The following CNTNAP2 variants were observed in gnomAD, a reference collection of about 807,000 sequenced individuals.
The protein encoded by CNTNAP2 is contactin-associated protein-like 2.
CNTNAP2 carries 98 observed loss-of-function variants against 155.2 expected under a neutral mutation model. That is an observed-to-expected ratio of 0.63 (90% CI 0.54 to 0.75). CNTNAP2 has a LOEUF of 0.75. Among genes scored for constraint, CNTNAP2 ranks in the 30% least tolerant of loss-of-function variants. The pLI, the probability that CNTNAP2 is intolerant of heterozygous loss-of-function variation, is 0.00. For missense variants in CNTNAP2, 1,727 were observed against 1,688.1 expected (o/e 1.02, Z -0.40); for synonymous variants, 651 against 631.2 (o/e 1.03, Z -0.47).
intron 3 of CNTNAP2, among the ~76,000 whole-genome samples, chr7:146,915,470 T>C (rs1796373850): frequency 6.6e-6 from 1 of 152,178 alleles, no homozygotes; most frequent in Non-Finnish European, 1.5e-5. Flanking sequence ...CATTTGTTTG[T>C]GTCATCTATG....
At chr7:147,943,131 A>G (rs1800756182) in intron 14 of CNTNAP2, among the ~76,000 whole-genome samples, 1 of 152,172 alleles carries the variant, frequency 6.6e-6, no homozygotes, top group Non-Finnish European at 1.5e-5. Context: ...TCTTATGGCA[A>G]CCAGAAGTAT....
chr7:148,208,541 G>T (rs1795492154), intron 18 of CNTNAP2, among the ~76,000 whole-genome samples: 1 of 152,178 alleles, frequency 6.6e-6, no homozygotes, highest in Admixed American at 6.5e-5. Context: ...GAAGCTGAAA[G>T]AGGGGAAAGG....
At chr7:148,052,630 C>T (rs1438645096) in intron 15 of CNTNAP2, among the ~76,000 whole-genome samples, 1 of 152,010 alleles carries the variant, frequency 6.6e-6, no homozygotes, top group Non-Finnish European at 1.5e-5. Flanking sequence ...ATTTTTTTTA[C>T]AGATTATTTG....
intron 2 of CNTNAP2, among the ~76,000 whole-genome samples, chr7:146,798,130 G>A (rs1169333466): frequency 6.6e-6 from 1 of 151,952 alleles, no homozygotes; most frequent in Non-Finnish European, 1.5e-5. Context: ...AAGTTAGCCA[G>A]GTATCCTAGC....
intron 20 of CNTNAP2, among the ~76,000 whole-genome samples, chr7:148,262,098 T>G (rs991201112): frequency 2.6e-5 from 4 of 152,126 alleles, no homozygotes; most frequent in Non-Finnish European, 4.4e-5. Context: ...ACGGGGTGGC[T>G]CTAAGAGTCA....
At chr7:146,395,773 G>T (rs1373901617) in intron 1 of CNTNAP2, among the ~76,000 whole-genome samples, 1 of 74,884 alleles carries the variant, frequency 1.3e-5, no homozygotes, top group Admixed American at 1.7e-4. Context: ...GATCTAGATA[G>T]ACAGATGATA....
chr7:146,377,861 T>G (rs905325869), intron 1 of CNTNAP2, among the ~76,000 whole-genome samples: 4 of 152,244 alleles, frequency 2.6e-5, no homozygotes, highest in African/African-American at 7.2e-5. Flanking sequence ...ATGAGTAATA[T>G]AACATGCAAA....
intron 13 of CNTNAP2, among the ~76,000 whole-genome samples, chr7:147,712,053 A>C (rs1796408081): frequency 1.3e-5 from 2 of 152,264 alleles, no homozygotes; most frequent in Non-Finnish European, 2.9e-5. Flanking sequence ...TACAAATGCT[A>C]TCCTTCAGGT....
intron 15 of CNTNAP2, among the ~76,000 whole-genome samples, chr7:148,104,001 T>G (rs1434759300): frequency 1.3e-5 from 2 of 152,236 alleles, no homozygotes; most frequent in African/African-American, 4.8e-5. Context: ...AAAATGCTTC[T>G]GTATGATGTT....
At chr7:146,827,641 T>A (rs544064517) in intron 2 of CNTNAP2, among the ~76,000 whole-genome samples, 3 of 151,906 alleles carry the variant, frequency 2.0e-5, no homozygotes, top group Non-Finnish European at 4.4e-5. Context: ...TTCTGCAGAC[T>A]TTTACTAAGA....
chr7:146,759,973 G>A (rs935454869), intron 1 of CNTNAP2, among the ~76,000 whole-genome samples: 6 of 152,110 alleles, frequency 3.9e-5, no homozygotes, highest in African/African-American at 1.4e-4. Context: ...AGGCCAGTAA[G>A]TATCTTAAAC....
At chr7:148,218,790 G>A (rs1795691138) in intron 19 of CNTNAP2, among the ~76,000 whole-genome samples, 1 of 152,148 alleles carries the variant, frequency 6.6e-6, no homozygotes, top group East Asian at 1.9e-4. Flanking sequence ...GCATCCTGAG[G>A]AGAATATGCA....
chr7:146,862,761 T>A (rs1211628327), intron 3 of CNTNAP2, among the ~76,000 whole-genome samples: 5 of 152,324 alleles, frequency 3.3e-5, no homozygotes, highest in African/African-American at 1.2e-4. Context: ...ACATATGCAC[T>A]CATATTTTTG....
intron 1 of CNTNAP2, among the ~76,000 whole-genome samples, chr7:146,687,664 T>C (rs1377619216): frequency 6.6e-6 from 1 of 152,190 alleles, no homozygotes; most frequent in Non-Finnish European, 1.5e-5. Flanking sequence ...ATCATTTCAT[T>C]TTCAGATATT....
At chr7:146,495,544 A>G (rs940150180) in intron 1 of CNTNAP2, among the ~76,000 whole-genome samples, 3 of 133,316 alleles carry the variant, frequency 2.3e-5, no homozygotes, top group Non-Finnish European at 4.8e-5. Context: ...TGCCACCTCT[A>G]ACAGGTCATT....
At chr7:146,381,442 G>A (rs1367015273) in intron 1 of CNTNAP2, among the ~76,000 whole-genome samples, 1 of 152,126 alleles carries the variant, frequency 6.6e-6, no homozygotes, top group South Asian at 2.1e-4. Context: ...CCTCTTTCCA[G>A]ATATGAGACC....
chr7:147,179,669 A>G (rs1802416022), intron 8 of CNTNAP2, among the ~76,000 whole-genome samples: 1 of 152,184 alleles, frequency 6.6e-6, no homozygotes, highest in South Asian at 2.1e-4. Flanking sequence ...AGGATGGAAG[A>G]GTGGGCACAG....
chr7:146,359,983 G>A (rs549735987), intron 1 of CNTNAP2, among the ~76,000 whole-genome samples: 1 of 152,104 alleles, frequency 6.6e-6, no homozygotes, highest in East Asian at 1.9e-4. Flanking sequence ...TTGCTTAAGG[G>A]GTTCAAATTA....
intron 1 of CNTNAP2, among the ~76,000 whole-genome samples, chr7:146,460,999 G>A (rs976134045): frequency 6.6e-6 from 1 of 152,164 alleles, no homozygotes; most frequent in African/African-American, 2.4e-5. Context: ...AAACAAGTAT[G>A]GGAGGTGATG....
Sources: gnomAD v4.1 joint callset for allele counts (sites outside exome capture counted in the v4.1 genomes callset) on GRCh38, gnomAD v4.1.1 for gene constraint, MANE v1.5 for transcripts, NCBI Gene and HGNC (gene_info 2026-07-23, HGNC 2026-07-21) for gene names.